GRK7: variants seen among roughly 807,000 people sequenced by gnomAD.
GRK7 encodes the protein rhodopsin kinase GRK7.
GRK7 carries 24 observed loss-of-function variants against 34.1 expected under a neutral mutation model. The ratio of observed to expected loss-of-function variants is 0.70; its 90% CI spans 0.51 to 0.99. The LOEUF (loss-of-function observed/expected upper bound fraction) is 0.99, where lower values mean the gene tolerates loss of function less well. Ranked by LOEUF, GRK7 falls within the 50% of genes least tolerant of loss-of-function variation. The pLI is 0.00. For missense variants in GRK7, 644 were observed against 707.3 expected (o/e 0.91, Z 1.02); for synonymous variants, 256 against 279.4 (o/e 0.92, Z 0.84).
chr3:141,773,815 AC>A (rs2084627239), intron 1 of GRK7, among the ~76,000 whole-genome samples: 1 of 152,202 alleles, frequency 6.6e-6, no homozygotes, highest in Admixed American at 6.5e-5. Flanking sequence ...AACATTTATT[AC>A]CTGTTTTATA....
chr3:141,789,663 A>AAAAAAAACAAAAAAAAC (rs2084714318), intron 4 of GRK7, among the ~76,000 whole-genome samples: 1 of 146,770 alleles, frequency 6.8e-6, no homozygotes, highest in Non-Finnish European at 1.5e-5. Context: ...GGGCAAAAAA[A>AAAAAAAACAAAAAAAAC]AAAAAAACAC....
At chr3:141,752,807 T>C in the GRK7 span, among the ~76,000 whole-genome samples, 2 of 152,352 alleles carry the variant, frequency 1.3e-5, no homozygotes, top group East Asian at 1.9e-4. Flanking sequence ...AATGTGATTA[T>C]ATTTTGAGGC....
chr3:141,766,456 C>T (rs912403013), intron 1 of GRK7, among the ~76,000 whole-genome samples: 4 of 152,130 alleles, frequency 2.6e-5, no homozygotes, highest in African/African-American at 7.2e-5. Context: ...AGCCAACGCA[C>T]CTAGCCAGTT....
At chr3:141,804,576 TACAC>T (rs1325449068) in intron 4 of GRK7, among the ~76,000 whole-genome samples, 2 of 143,302 alleles carry the variant, frequency 1.4e-5, no homozygotes, top group East Asian at 2.0e-4. Flanking sequence ...CACATACACA[TACAC>T]ACATACACAT....
At chr3:141,769,784 G>C (rs1263986405) in intron 1 of GRK7, among the ~76,000 whole-genome samples, 3 of 152,170 alleles carry the variant, frequency 2.0e-5, no homozygotes, top group African/African-American at 7.2e-5. Flanking sequence ...CTGCATCTCC[G>C]ATCTTTCAGC....
At chr3:141,777,322 C>CTTTTTTTTTTTTTTT (rs770173065) in intron 2 of GRK7, among the ~76,000 whole-genome samples, 574 of 52,856 alleles carry the variant, frequency 0.011, 161 homozygotes, top group African/African-American at 0.045. Flanking sequence ...GATGGCCCCT[C>CTTTTTTTTTTTTTTT]TTTTTTTTTT....
Position 141,778,484 on chromosome 3 carries a change from G to A in GRK7, c.200G>A (p.Arg67His), listed in dbSNP as rs1371924170. The change falls in exon 3 of 6, where the codon CGC becomes CAC. Residue 67 changes from arginine to histidine, a missense_variant. Transcript: ENST00000682958. This position sits in a 1 kb window ranked among gnomAD's most constrained non-coding sequence, Gnocchi z 4.1. ...HSLCEQQPIG[R>H]RLFRDFLATV... The stretch of plus-strand genomic sequence containing the variant: ...CTGTGTGAGCAGCAGCCCATCGGTC[G>A]CCGCCTCTTCCGTGACTTCCTAGCC... 8 of 1,613,086 alleles carry A rather than the reference G, an allele frequency of 5.0e-6. No homozygotes were observed. Among genetic ancestry groups the A allele is most frequent in the East Asian group, 4.5e-5 (2 of 44,864 alleles).
chr3:141,791,040 A>G (rs1250392050), intron 4 of GRK7, among the ~76,000 whole-genome samples: 6 of 152,188 alleles, frequency 3.9e-5, no homozygotes, highest in Non-Finnish European at 2.9e-5. Context: ...TTTGGTGAGC[A>G]GTGACCTTCA....
In GRK7 at chr3:141,807,719, T is replaced by C; in HGVS notation, c.1125T>C (p.Phe375=). 2 of 1,614,034 alleles carry C rather than the reference T, an allele frequency of 1.2e-6. No homozygotes were observed. Among genetic ancestry groups the C allele is most frequent in the Non-Finnish European group, 1.7e-6 (2 of 1,179,832 alleles). Residue 375 remains phenylalanine, a synonymous_variant, in exon 5 of 6, where the codon TTT becomes TTC. Coordinates refer to ENST00000682958, the MANE Select transcript of GRK7 (RefSeq NM_139209.3). ...KVSYSYPVDW[F]AMGCSIYEMV... is the part of the protein sequence containing the mutation. Reference sequence around the variant, plus strand: ...GTTATTCCTATCCTGTGGACTGGTTTGCCATGGGATGCAGCATTTATGAAA... The same window carrying C: ...GTTATTCCTATCCTGTGGACTGGTTCGCCATGGGATGCAGCATTTATGAAA...
rs1024482955 is a variant in GRK7 at position 141,767,032 on chromosome 3, T to G, written c.-215+1294T>G. On this transcript the variant is annotated intron_variant, in intron 1 of 5. Coordinates refer to ENST00000682958, the MANE Select transcript of GRK7 (RefSeq NM_139209.3). The stretch of plus-strand genomic sequence containing the variant: ...GAGAATGCAGTCATTATTAAAACAA[T>G]TAGAGTCTTGTTTAGAGAGGAAGAT... Among the ~76,000 whole-genome samples the G allele has an allele frequency of 8.5e-5, 13 of 152,360 alleles. No individual in the cohort carries two copies. The East Asian group carries it at 2.3e-3, about 27-fold the overall frequency.
At chr3:141,779,707 T>G (rs1182123192) in intron 3 of GRK7, among the ~76,000 whole-genome samples, 1 of 152,218 alleles carries the variant, frequency 6.6e-6, no homozygotes, top group Non-Finnish European at 1.5e-5. Context: ...CCTCCAGCCC[T>G]GACAACCACT....
chr3:141,773,883 G>A (rs2084627428), intron 1 of GRK7, among the ~76,000 whole-genome samples: 1 of 151,956 alleles, frequency 6.6e-6, no homozygotes, highest in Non-Finnish European at 1.5e-5. Flanking sequence ...CACACAGCTA[G>A]GACTTGCTAA....
upstream of GRK7, among the ~76,000 whole-genome samples, chr3:141,759,182 C>A (rs1426991816): frequency 0.037 from 4,921 of 132,076 alleles, 211 homozygotes; most frequent in African/African-American, 0.13. Flanking sequence ...GCCAGAACTT[C>A]CAACACTATG....
rs1236209633 is a variant in GRK7 at position 141,778,261 on chromosome 3, T to C, written c.-24T>C. On this transcript the variant is annotated 5_prime_UTR_variant, in exon 3 of 6. Transcript: ENST00000682958. This position sits in a 1 kb window ranked among gnomAD's most constrained non-coding sequence, Gnocchi z 4.1. ...CCCTCCAGCCCTCTTGTGCTTTCCCTGGGAGTGCGCCCCGTGCTCAGCCAT... is the reference window on the plus strand; with the variant it reads ...CCCTCCAGCCCTCTTGTGCTTTCCCCGGGAGTGCGCCCCGTGCTCAGCCAT... The C allele has an allele frequency of 6.5e-7, 1 of 1,534,558 alleles. No individual in the cohort carries two copies. Among genetic ancestry groups the C allele is most frequent in the Non-Finnish European group, 8.8e-7 (1 of 1,140,492 alleles).
rs937117539 is a variant in GRK7, at chr3:141,807,858, G to A, written c.1264G>A (p.Glu422Lys). 6.2e-7 allele frequency: 1 copy of A among 1,611,284 alleles called. No individual in the cohort carries two copies. The highest frequency in any genetic ancestry group is 1.3e-5 in the African/African-American group (1 of 74,824). ...VKFQHDNFTE[E>K]AKDICRLFLA... ...ATTCCAGCATGATAACTTCACAGAGGAAGCAAAAGATATTTGCAGGCTCTT... is the reference window on the plus strand; with the variant it reads ...ATTCCAGCATGATAACTTCACAGAGAAAGCAAAAGATATTTGCAGGCTCTT... The change falls in exon 5 of 6, where the codon GAA (glutamate) becomes AAA (lysine). Residue 422 changes from glutamate (E) to lysine (K), a missense_variant. By Grantham distance (56) the Glu-to-Lys change is moderately conservative. Transcript: ENST00000682958.
chr3:141,804,765 A>T (rs1221009932), intron 4 of GRK7, among the ~76,000 whole-genome samples: 2 of 151,376 alleles, frequency 1.3e-5, no homozygotes, highest in Admixed American at 6.6e-5. Context: ...ACTCACATGC[A>T]CACATACACA....
At chr3:141,784,992 C>A (rs1292248814) in intron 4 of GRK7, among the ~76,000 whole-genome samples, 3 of 152,202 alleles carry the variant, frequency 2.0e-5, no homozygotes, top group Admixed American at 2.0e-4. Context: ...AGAGTTCCCA[C>A]CAGCAATAAG....
At position 141,778,711 on chromosome 3, in the gene GRK7, C is replaced by T. The variant is rs759547557; in HGVS notation, c.427C>T (p.Arg143Ter). 3 of 1,612,888 alleles carry T rather than the reference C, an allele frequency of 1.9e-6. No homozygotes were observed. Among genetic ancestry groups the T allele is most frequent in the Middle Eastern group, 1.7e-4 (1 of 6,058 alleles). ...KCQAATTEEE[R>*]VAAVTLAKAE... ...CCAAGCAGCCACCACTGAGGAAGAGCGAGTGGCTGCAGTGACGCTGGCCAA... is the reference window on the plus strand; with the variant it reads ...CCAAGCAGCCACCACTGAGGAAGAGTGAGTGGCTGCAGTGACGCTGGCCAA... The change falls in exon 3 of 6, where the codon CGA becomes TGA. Residue 143 changes from arginine (R) to a stop codon, truncating the protein, a stop_gained. Transcript: ENST00000682958. LOFTEE classifies it high-confidence loss of function. The surrounding 1 kb of genome is among the most constrained non-coding windows in gnomAD (Gnocchi z 4.1).
intron 1 of GRK7, among the ~76,000 whole-genome samples, chr3:141,767,681 G>A (rs1471389539): frequency 3.9e-5 from 6 of 152,014 alleles, no homozygotes; most frequent in African/African-American, 1.2e-4. Context: ...GATTACAGGC[G>A]TGAGCCACCA....
Sources: gnomAD v4.1 joint callset for allele counts (sites outside exome capture counted in the v4.1 genomes callset) on GRCh38, gnomAD v4.1.1 for gene constraint, Gnocchi (gnomAD v3.1) non-coding constraint, MANE v1.5 for transcripts, NCBI Gene and HGNC (gene_info 2026-07-23, HGNC 2026-07-21) for gene names.